Variants in NAV2 observed in about 807,000 individuals in gnomAD.
NAV2 encodes neuron navigator 2.
A neutral mutation model predicts 223.2 loss-of-function variants in NAV2; 54 were observed. The observed-to-expected ratio is 0.24, with a 90% CI of 0.19 to 0.30. The LOEUF is 0.30. NAV2 is among the 10% of genes least tolerant of loss of function. The pLI is 1.00. For missense variants in NAV2, 2,806 were observed against 3,147.5 expected, an observed-to-expected ratio of 0.89 and a Z score of 2.60; for synonymous variants, 1,279 against 1,239.3, an observed-to-expected ratio of 1.03 and a Z score of -0.67.
chr11:19,511,360 A>G (rs2043273695), intron 1 of NAV2: 1 of 152,226 alleles, frequency 6.6e-6, no homozygotes, highest in African/African-American at 2.4e-5. Context: ...TGTCCAAAAT[A>G]GACCAGTTTA....
chr11:19,551,740 G>GGA (rs1554962218), intron 1 of NAV2, among the ~76,000 whole-genome samples: 1 of 152,038 alleles, frequency 6.6e-6, no homozygotes, highest in Non-Finnish European at 1.5e-5. Context: ...AGTGGTGGGG[G>GGA]AAAAAATGGT....
At chr11:19,427,496 T>C (rs1276012950) in intron 1 of NAV2, among the ~76,000 whole-genome samples, 1 of 152,248 alleles carries the variant, frequency 6.6e-6, no homozygotes, top group African/African-American at 2.4e-5. Context: ...GAAAAAATTC[T>C]CACTTTCATC....
chr11:19,513,871 C>T (rs1357557002), intron 1 of NAV2, among the ~76,000 whole-genome samples: 1 of 152,144 alleles, frequency 6.6e-6, no homozygotes, highest in East Asian at 1.9e-4. Flanking sequence ...TGCAGCTGTA[C>T]ACAAAGGATG....
intron 11 of NAV2, among the ~76,000 whole-genome samples, chr11:19,991,590 T>A (rs1384165084): frequency 6.6e-6 from 1 of 152,204 alleles, no homozygotes; most frequent in Admixed American, 6.5e-5. Context: ...AAAGAACAAT[T>A]ATAAAATAAA....
At chr11:19,877,480 T>TCTTTCTTTTTTCTTTTC (rs1565478975) in intron 4 of NAV2, among the ~76,000 whole-genome samples, 2 of 135,798 alleles carry the variant, frequency 1.5e-5, no homozygotes, top group African/African-American at 5.8e-5. Context: ...CTTTTTTTTT[T>TCTTTCTTTTTTCTTTTC]TTTTTTTTTT....
intron 1 of NAV2, among the ~76,000 whole-genome samples, chr11:19,467,012 C>CAGAGAG (rs1291348160): frequency 5.2e-5 from 7 of 134,372 alleles, no homozygotes; most frequent in East Asian, 4.4e-4. Flanking sequence ...CACACACACA[C>CAGAGAG]ACACACAGAG....
At chr11:19,574,970 A>G (rs1347522962) in intron 1 of NAV2, among the ~76,000 whole-genome samples, 1 of 152,166 alleles carries the variant, frequency 6.6e-6, no homozygotes, top group Non-Finnish European at 1.5e-5. Context: ...GAAGGCCCTG[A>G]GGAGGGATGG....
chr11:19,373,043 T>TA (rs1212629468), intron 1 of NAV2, among the ~76,000 whole-genome samples: 1 of 152,210 alleles, frequency 6.6e-6, no homozygotes, highest in Non-Finnish European at 1.5e-5. Flanking sequence ...TTACAGGCAT[T>TA]ATCCCATACC....
At chr11:19,714,784 G>A (rs1046502037) in intron 1 of NAV2, among the ~76,000 whole-genome samples, 16 of 152,326 alleles carry the variant, frequency 1.1e-4, no homozygotes, top group African/African-American at 3.8e-4. Flanking sequence ...GACAAGCCCT[G>A]GCCGTGCAAT....
Position 19,892,635 on chromosome 11 carries a change from C to T in NAV2, c.931+41C>T, listed in dbSNP as rs752811902. On this transcript the variant is annotated intron_variant, in intron 6 of 37. Coordinates refer to ENST00000349880, the MANE Select transcript of NAV2 (RefSeq NM_145117.5). ...GAGGAGCCTTTTTGGTATTTTCCTT[C>T]AGAGCACATCTACCTAGTTCCTTCG... 3 of 1,602,172 alleles carry T rather than the reference C, an allele frequency of 1.9e-6. No homozygotes were observed. The African/African-American group carries it at 4.0e-5, about 21-fold the overall frequency.
chr11:19,907,531 A>AGCGG (rs1565536085), intron 6 of NAV2, among the ~76,000 whole-genome samples: 55 of 31,952 alleles, frequency 1.7e-3, no homozygotes, highest in Non-Finnish European at 3.4e-3. Context: ...TCATAGGGGG[A>AGCGG]GGGGGAATTT....
intron 1 of NAV2, chr11:19,505,782 T>A (rs984191792): frequency 1.1e-4 from 17 of 152,294 alleles, no homozygotes; most frequent in East Asian, 3.9e-4. Context: ...CCTATATGTA[T>A]GTTAGGCTAG....
At chr11:19,514,821 G>A (rs2043392473) in intron 1 of NAV2, among the ~76,000 whole-genome samples, 1 of 134,986 alleles carries the variant, frequency 7.4e-6, no homozygotes, top group Non-Finnish European at 1.7e-5. Flanking sequence ...CAGAAGAGAT[G>A]GCTGCAGCCC....
intron 6 of NAV2, among the ~76,000 whole-genome samples, chr11:19,906,517 G>A (rs1306520745): frequency 6.6e-6 from 1 of 152,198 alleles, no homozygotes; most frequent in Non-Finnish European, 1.5e-5. Context: ...GATTTCAGTT[G>A]TCAAGGTAAT....
intron 1 of NAV2, among the ~76,000 whole-genome samples, chr11:19,687,203 T>C (rs2049047910): frequency 6.6e-6 from 1 of 152,188 alleles, no homozygotes; most frequent in African/African-American, 2.4e-5. Context: ...GCGCAGGCTG[T>C]CAGCCCAGCA....
chr11:19,575,755 T>A lies in NAV2; in HGVS notation c.75+224728T>A, dbSNP rs1418374943. ...AGTGGGAGCTCCCGATGGCCAGGGA[T>A]CCATGTCGTTCATCTCTGCAGCTAC... On this transcript the variant is annotated intron_variant, in intron 1 of 37. Transcript: ENST00000360655. Among the ~76,000 whole-genome samples the A allele has an allele frequency of 3.9e-5, 6 of 152,342 alleles. No homozygotes were observed. In the East Asian group the frequency reaches 1.2e-3, roughly 29 times the overall value.
At chr11:19,368,700 G>A (rs1848371910) in intron 1 of NAV2, among the ~76,000 whole-genome samples, 1 of 152,214 alleles carries the variant, frequency 6.6e-6, no homozygotes, top group Non-Finnish European at 1.5e-5. Flanking sequence ...CTGAAGCTAA[G>A]GGAAGTTAAA....
At chr11:19,482,004 T>C (rs2042295357) in intron 1 of NAV2, among the ~76,000 whole-genome samples, 1 of 152,210 alleles carries the variant, frequency 6.6e-6, no homozygotes, top group African/African-American at 2.4e-5. Context: ...GGCAAATAAA[T>C]AGGAGGTCTG....
intron 1 of NAV2, among the ~76,000 whole-genome samples, chr11:19,785,794 A>G (rs1204432915): frequency 6.6e-6 from 1 of 152,162 alleles, no homozygotes; most frequent in Admixed American, 6.5e-5. Context: ...GTTAGGTACT[A>G]TTCCAGATTT....
Sources: gnomAD v4.1 joint callset for allele counts (sites outside exome capture counted in the v4.1 genomes callset) on GRCh38, gnomAD v4.1.1 for gene constraint, MANE v1.5 for transcripts, NCBI Gene and HGNC (gene_info 2026-07-23, HGNC 2026-07-21) for gene names.